The following ZNF600 variants were observed in gnomAD, a reference collection of about 807,000 sequenced individuals.
ZNF600 encodes zinc finger protein 600.
A neutral mutation model predicts 7.3 loss-of-function variants in ZNF600; 4 were observed. That is an observed-to-expected ratio of 0.55 (90% CI 0.27 to 1.25). The LOEUF (loss-of-function observed/expected upper bound fraction) is 1.25, where lower values mean the gene tolerates loss of function less well. ZNF600 is among the 50% of genes most tolerant of loss of function. The pLI is 0.12. For missense variants in ZNF600, 911 were observed against 922.1 expected (o/e 0.99, Z 0.16); for synonymous variants, 290 against 308.9 (o/e 0.94, Z 0.64).
At chr19:52,766,881 T>C in exon 4 of ZNF600, 1 of 1,614,222 alleles carries the variant, frequency 6.2e-7, no homozygotes, top group East Asian at 2.2e-5. Context: ...AATTCTACGA[T>C]GACGTGCAAG....
At chr19:52,766,374 T>A in exon 4 of ZNF600, 4 of 1,614,192 alleles carry the variant, frequency 2.5e-6, no homozygotes, top group Non-Finnish European at 3.4e-6. Context: ...GTGAATTATC[T>A]TATGTGTCTC....
At chr19:52,766,857 T>G (rs1424450340) in exon 4 of ZNF600, 1 of 1,614,200 alleles carries the variant, frequency 6.2e-7, no homozygotes. Flanking sequence ...TTTGTAAGGT[T>G]TCTCTCCAGT....
the ZNF600 span, among the ~76,000 whole-genome samples, chr19:52,810,884 CCCCTCCCCCTCCCCCTCCCTCT>C: frequency 0.13 from 4,296 of 31,972 alleles, 384 homozygotes; most frequent in African/African-American, 0.23. Context: ...CCTCCCCCTC[CCCCTCCCCCTCCCCCTCCCTCT>C]CCCTCTCCCT....
the ZNF600 span, among the ~76,000 whole-genome samples, chr19:52,792,057 G>T: frequency 6.6e-6 from 1 of 152,224 alleles, no homozygotes; most frequent in Non-Finnish European, 1.5e-5. Context: ...CGGCACAAAA[G>T]CTCTATTTGA....
chr19:52,794,924 T>C, the ZNF600 span, among the ~76,000 whole-genome samples: 7 of 152,196 alleles, frequency 4.6e-5, no homozygotes, highest in African/African-American at 1.7e-4. Flanking sequence ...TTTCAATGTC[T>C]AAGGTTTTGA....
chr19:52,810,414 T>C, the ZNF600 span: 13 of 1,604,150 alleles, frequency 8.1e-6, 1 homozygote, highest in Admixed American at 2.2e-4. Context: ...CTGTGACAAA[T>C]TTAGTGGCCA....
At chr19:52,801,157 A>G in the ZNF600 span, 24 of 1,613,972 alleles carry the variant, frequency 1.5e-5, no homozygotes, top group Non-Finnish European at 1.9e-5. Flanking sequence ...TGTTTTTTTA[A>G]AAGTGAGCTA....
the ZNF600 span, among the ~76,000 whole-genome samples, chr19:52,828,207 A>G: frequency 6.6e-6 from 1 of 151,934 alleles, no homozygotes; most frequent in African/African-American, 2.4e-5. Context: ...ATGCTCCACC[A>G]TGCATGGCTA....
the ZNF600 span, among the ~76,000 whole-genome samples, chr19:52,803,874 T>C: frequency 9.2e-5 from 14 of 152,066 alleles, no homozygotes. Flanking sequence ...CAGAAAACAT[T>C]TGTACCCAGA....
the ZNF600 span, among the ~76,000 whole-genome samples, chr19:52,811,153 C>G: frequency 9.7e-4 from 147 of 150,958 alleles, 1 homozygote; most frequent in African/African-American, 2.9e-3. Flanking sequence ...CTCGGCCTCC[C>G]GAGGTGCCGG....
chr19:52,777,023 G>GT (rs2147537186), intron 2 of ZNF600, among the ~76,000 whole-genome samples: 1 of 152,176 alleles, frequency 6.6e-6, no homozygotes, highest in South Asian at 2.1e-4. Flanking sequence ...AATCAATGAT[G>GT]TAAGAAAGCA....
chr19:52,810,844 TCTCCCTCTCCCTCTCCCCCTCCCC>T, the ZNF600 span: 1 of 125,974 alleles, frequency 7.9e-6, no homozygotes, highest in Non-Finnish European at 1.2e-5. Context: ...AAAGAGTCCC[TCTCCCTCTCCCTCTCCCCCTCCCC>T]CTCCCCCTCC....
At chr19:52,800,173 T>C in the ZNF600 span, 1 of 1,613,672 alleles carries the variant, frequency 6.2e-7, no homozygotes, top group Non-Finnish European at 8.5e-7. Flanking sequence ...CTGAAAACTT[T>C]CTCACATTCT....
At chr19:52,825,182 C>T in the ZNF600 span, among the ~76,000 whole-genome samples, 1 of 152,118 alleles carries the variant, frequency 6.6e-6, no homozygotes, top group South Asian at 2.1e-4. Context: ...CCTGCAGGAA[C>T]CCTCCAGATA....
chr19:52,812,019 G>T, the ZNF600 span, among the ~76,000 whole-genome samples: 1 of 43,540 alleles, frequency 2.3e-5, no homozygotes, highest in Non-Finnish European at 5.4e-5. Flanking sequence ...GGAGGTGGGG[G>T]GGACAGCCCC....
chr19:52,781,012 G>A (rs10405113), intron 1 of ZNF600: 5,268 of 152,406 alleles, frequency 0.035, 180 homozygotes, highest in African/African-American at 0.087. Flanking sequence ...GGAGACAGCT[G>A]AGGAGACAAC....
the ZNF600 span, among the ~76,000 whole-genome samples, chr19:52,828,478 G>C: frequency 6.6e-6 from 1 of 152,088 alleles, no homozygotes; most frequent in Non-Finnish European, 1.5e-5. Context: ...AAAAAGAAAA[G>C]AAGAAATGAC....
the ZNF600 span, chr19:52,808,098 G>A: frequency 6.2e-7 from 1 of 1,613,382 alleles, no homozygotes; most frequent in South Asian, 1.1e-5. Context: ...CCTCCTGAGA[G>A]AATTCTATGG....
the ZNF600 span, chr19:52,801,075 T>C: frequency 6.2e-7 from 1 of 1,614,060 alleles, no homozygotes; most frequent in African/African-American, 1.3e-5. Context: ...GCATGCAAGG[T>C]ATCGCTTCTG....
Sources: gnomAD v4.1 joint callset for allele counts (sites outside exome capture counted in the v4.1 genomes callset) on GRCh38, gnomAD v4.1.1 for gene constraint, MANE v1.5 for transcripts, NCBI Gene and HGNC (gene_info 2026-07-23, HGNC 2026-07-21) for gene names.